The following CERK variants were observed in gnomAD, a reference collection of about 807,000 sequenced individuals.
CERK encodes the protein acylsphingosine kinase.
Under a neutral mutation model 63.4 loss-of-function variants are expected in CERK, and 39 were observed. The ratio of observed to expected loss-of-function variants is 0.61; its 90% CI spans 0.48 to 0.80. The LOEUF is 0.80. Among genes scored for constraint, CERK ranks in the 30% least tolerant of loss-of-function variants. The probability of loss-of-function intolerance (pLI) is 0.00; values close to 1 mark genes in which losing one functional copy is unlikely to be tolerated. For synonymous variants in CERK, 302 were observed against 280.0 expected (o/e 1.08, Z -0.78); for missense variants, 670 against 714.1 (o/e 0.94, Z 0.70).
At position 46,690,062 on chromosome 22, in the gene CERK, A is replaced by G. The variant is rs771755664; in HGVS notation, c.1471T>C (p.Cys491Arg). The stretch of plus-strand genomic sequence containing the variant: ...CAGGAGCTGTTGGAGACGGTGCAGC[A>G]GCAGGAGGGGTGGCTGCTGCAAATG... ...GHICSSHPSC[C>R]CTVSNSSWNC... Residue 491 changes from cysteine (C) to arginine (R), a missense_variant, in exon 12 of 13, where the codon TGC (cysteine) becomes CGC (arginine). Transcript: ENST00000216264. The G allele has an allele frequency of 1.9e-6, 3 of 1,613,686 alleles. No individual in the cohort carries two copies. In the Admixed American group the frequency reaches 5.0e-5, roughly 27 times the overall value.
chr22:46,736,592 G>C (rs2082974912), intron 1 of CERK, among the ~76,000 whole-genome samples: 9 of 152,228 alleles, frequency 5.9e-5, no homozygotes, highest in Admixed American at 5.9e-4. Flanking sequence ...TCAGGCACCT[G>C]TTCTCCTTGT....
chr22:46,704,693 TG>T (rs1349976091), intron 6 of CERK, among the ~76,000 whole-genome samples: 1 of 151,634 alleles, frequency 6.6e-6, no homozygotes, highest in Non-Finnish European at 1.5e-5. Context: ...GGCACGGTGG[TG>T]GGTGCCTGTA....
chr22:46,689,463 T>C (rs971061809), intron 12 of CERK, among the ~76,000 whole-genome samples: 7 of 152,194 alleles, frequency 4.6e-5, no homozygotes, highest in South Asian at 2.1e-4. Flanking sequence ...TTCTGCCTCC[T>C]GGGTTCAAGC....
At chr22:46,692,696 G>A (rs910995754) in intron 10 of CERK, among the ~76,000 whole-genome samples, 5 of 151,912 alleles carry the variant, frequency 3.3e-5, no homozygotes, top group African/African-American at 9.7e-5. Flanking sequence ...CCTGAGGTCA[G>A]GAGTTTGAGA....
chr22:46,710,621 G>C (rs2082835997), intron 5 of CERK, among the ~76,000 whole-genome samples: 1 of 152,134 alleles, frequency 6.6e-6, no homozygotes, highest in Non-Finnish European at 1.5e-5. Flanking sequence ...AAATTGGAAA[G>C]AGCCTGAACA....
chr22:46,701,703 C>A lies in CERK; in HGVS notation c.723G>T (p.Thr241=), dbSNP rs749582611. 3.2e-6 allele frequency: 5 copies of A among 1,555,658 alleles called. No individual in the cohort carries two copies. The change falls in exon 7 of 13, where the codon ACG becomes ACT. Residue 241 remains threonine (T), a synonymous_variant. Transcript: ENST00000216264. ...CCACGGTGGAGTAACACACGCAGTC[C>A]GTTGACCCTGTAAAGGGAAAAAGAA... The part of the protein sequence containing the change: ...LRIGIIPAGS[T]DCVCYSTVGT...
intron 11 of CERK, 85 bp from the exon 12 acceptor site, chr22:46,690,285 A>C: frequency 1.4e-4 from 143 of 1,017,702 alleles, no homozygotes; most frequent in Middle Eastern, 2.3e-4. Flanking sequence ...CCTGACAGCG[A>C]GCGCTGTCAG....
At chr22:46,691,899 C>T in intron 10 of CERK, 122 bp from the exon 11 acceptor site, 1 of 521,718 alleles carries the variant, frequency 1.9e-6, no homozygotes, top group East Asian at 3.7e-5. Context: ...ACACTTCATG[C>T]AATCGACTCT....
At chr22:46,711,524 A>G (rs2082840972) in intron 4 of CERK, among the ~76,000 whole-genome samples, 1 of 152,210 alleles carries the variant, frequency 6.6e-6, no homozygotes, top group South Asian at 2.1e-4. Flanking sequence ...CAGTCTCTAT[A>G]CCTGATGTAA....
intron 1 of CERK, among the ~76,000 whole-genome samples, chr22:46,735,875 A>G (rs895019573): frequency 6.6e-6 from 1 of 152,228 alleles, no homozygotes; most frequent in African/African-American, 2.4e-5. Flanking sequence ...CTGTAAAGCT[A>G]TGAGAAAAAA....
intron 12 of CERK, among the ~76,000 whole-genome samples, chr22:46,688,119 C>T (rs773822431): frequency 6.4e-4 from 97 of 152,174 alleles, no homozygotes; most frequent in Non-Finnish European, 9.3e-4. Context: ...ACCTGGGAGG[C>T]AGAGGTTGCA....
At chr22:46,719,253 T>C (rs2082880846) in intron 3 of CERK, among the ~76,000 whole-genome samples, 1 of 152,050 alleles carries the variant, frequency 6.6e-6, no homozygotes, top group South Asian at 2.1e-4. Context: ...GTGCGTGTCA[T>C]GGGGGTTTGG....
At chr22:46,697,856 C>T (rs988880658) in intron 8 of CERK, among the ~76,000 whole-genome samples, 5 of 152,336 alleles carry the variant, frequency 3.3e-5, no homozygotes, top group Middle Eastern at 3.4e-3. Context: ...AAGCTGGTGA[C>T]GTCGCACCCA....
At chr22:46,702,519 T>C (rs1430795712) in intron 6 of CERK, among the ~76,000 whole-genome samples, 2 of 152,106 alleles carry the variant, frequency 1.3e-5, no homozygotes, top group Non-Finnish European at 1.5e-5. Context: ...TCTCTAACTG[T>C]TGACCTCGTG....
intron 1 of CERK, among the ~76,000 whole-genome samples, chr22:46,721,559 A>AT (rs1468436484): frequency 1.3e-5 from 2 of 152,092 alleles, no homozygotes; most frequent in East Asian, 1.9e-4. Flanking sequence ...GGAGGCTGTG[A>AT]TTTTTCACAC....
chr22:46,704,824 C>CA (rs11431926), intron 6 of CERK, among the ~76,000 whole-genome samples: 28,694 of 83,366 alleles, frequency 0.34, 4,709 homozygotes, highest in Non-Finnish European at 0.4. Context: ...GACTCCATCT[C>CA]AAAAAAAAAA....
At chr22:46,727,454 T>TTC (rs1569330387) in intron 1 of CERK, among the ~76,000 whole-genome samples, 124 of 151,070 alleles carry the variant, frequency 8.2e-4, no homozygotes, top group Admixed American at 3.9e-3. Flanking sequence ...TGTTTCTTTT[T>TTC]TTTTTTTTTT....
chr22:46,699,331 C>G lies in CERK; in HGVS notation c.925G>C (p.Ala309Pro). 6.2e-7 allele frequency: 1 copy of G among 1,614,170 alleles called. No homozygotes were observed. The highest frequency in any genetic ancestry group is 8.5e-7 in the Non-Finnish European group (1 of 1,180,022). ...GAGTTACCTGAAAAGTCGTATCTGGCAAGACCCAACCACCGTTTCTTCTCA... is the reference window on the plus strand; with the variant it reads ...GAGTTACCTGAAAAGTCGTATCTGGGAAGACCCAACCACCGTTTCTTCTCA... ...DSEKKRWLGL[A>P]RYDFSGLKTF... Residue 309 changes from alanine (A) to proline (P), a missense_variant, in exon 8 of 13, where the codon GCC (alanine) becomes CCC (proline). Transcript: ENST00000216264.
At chr22:46,710,383 C>T (rs974106052) in intron 5 of CERK, among the ~76,000 whole-genome samples, 2 of 150,998 alleles carry the variant, frequency 1.3e-5, no homozygotes, top group South Asian at 2.1e-4. Flanking sequence ...GCCGAGGTCA[C>T]GCCATTGCAC....
Sources: gnomAD v4.1 joint callset for allele counts (sites outside exome capture counted in the v4.1 genomes callset) on GRCh38, gnomAD v4.1.1 for gene constraint, MANE v1.5 for transcripts, NCBI Gene and HGNC (gene_info 2026-07-23, HGNC 2026-07-21) for gene names.